Variants in NAV1 observed in about 807,000 individuals in gnomAD.
NAV1 encodes the protein neuron navigator 1.
NAV1 carries 18 observed loss-of-function variants against 175.2 expected under a neutral mutation model. That is an observed-to-expected ratio of 0.10 (90% CI 0.07 to 0.15). NAV1 has a LOEUF of 0.15. Among genes scored for constraint, NAV1 ranks in the 10% least tolerant of loss-of-function variants. The pLI is 1.00. For missense variants in NAV1, 1,731 were observed against 2,436.6 expected (o/e 0.71, Z 6.10); for synonymous variants, 897 against 978.7 (o/e 0.92, Z 1.56).
chr1:201,567,011 G>T (rs2102163838), intron 1 of NAV1, among the ~76,000 whole-genome samples: 1 of 152,122 alleles, frequency 6.6e-6, no homozygotes, highest in South Asian at 2.1e-4. Context: ...AAACCACAGG[G>T]TGCTGACTTC....
At chr1:201,544,323 G>A (rs147994688) in intron 1 of NAV1, among the ~76,000 whole-genome samples, 154 of 152,300 alleles carry the variant, frequency 1.0e-3, no homozygotes, top group Non-Finnish European at 1.9e-3. Context: ...TTTCAATGAC[G>A]CAATTCCCTC....
exon 16 of NAV1, chr1:201,803,634 A>G (rs754872410): frequency 1.2e-6 from 2 of 1,613,834 alleles, no homozygotes; most frequent in African/African-American, 1.3e-5. Context: ...TAGCATCTCA[A>G]GCCTCAACAG....
chr1:201,624,561 T>C (rs1006870807), intron 1 of NAV1, among the ~76,000 whole-genome samples: 1 of 151,912 alleles, frequency 6.6e-6, no homozygotes, highest in African/African-American at 2.4e-5. Context: ...TTAGCCAGCA[T>C]GGTCTCGATC....
chr1:201,574,095 A>T (rs494629), intron 1 of NAV1, among the ~76,000 whole-genome samples: 36,450 of 151,760 alleles, frequency 0.24, 4,801 homozygotes, highest in African/African-American at 0.35. Flanking sequence ...AAATAAACTG[A>T]AGAGTTCTAT....
intron 3 of NAV1, among the ~76,000 whole-genome samples, chr1:201,744,168 C>A (rs982082786): frequency 1.3e-5 from 2 of 152,220 alleles, no homozygotes; most frequent in African/African-American, 4.8e-5. Context: ...CAGGCATGAG[C>A]CACCACACCC....
At chr1:201,605,759 C>T (rs933175768) in intron 2 of NAV1, among the ~76,000 whole-genome samples, 3 of 152,134 alleles carry the variant, frequency 2.0e-5, no homozygotes, top group African/African-American at 7.2e-5. Flanking sequence ...TTGGGCCATG[C>T]CTGGCCAGCT....
chr1:201,628,155 A>G (rs1459354912), intron 1 of NAV1, among the ~76,000 whole-genome samples: 45 of 150,052 alleles, frequency 3.0e-4, no homozygotes, highest in East Asian at 1.4e-3. Flanking sequence ...AAAAAAAAAA[A>G]AGAGAGACAG....
At chr1:201,798,577 C>CTCCAGCCT (rs1677605062) in intron 15 of NAV1, 1 of 138,378 alleles carries the variant, frequency 7.2e-6, no homozygotes, top group South Asian at 2.3e-4. Flanking sequence ...GTTGCACTGA[C>CTCCAGCCT]TCCAGCCTGG....
upstream of NAV1, among the ~76,000 whole-genome samples, chr1:201,643,361 C>CTTCT (rs763594947): frequency 7.1e-6 from 1 of 141,292 alleles, no homozygotes; most frequent in South Asian, 2.2e-4. Flanking sequence ...TCTTCCCTCT[C>CTTCT]TTCTTTCTTT....
In NAV1 at chr1:201,787,072, G is replaced by A. The variant is rs1043104525; in HGVS notation, c.2995+495G>A. Among the ~76,000 whole-genome samples, 29 of 152,334 alleles carry A rather than the reference G, an allele frequency of 1.9e-4. No individual in the cohort carries two copies. Among genetic ancestry groups the A allele is most frequent in the African/African-American group, 6.5e-4 (27 of 41,580 alleles). ...CTGGCTGAGCCCAGGCCATCCTAAC[G>A]CTGAAGGCAGGGCTGACTCAGATGT... On this transcript the variant is annotated intron_variant, in intron 9 of 29. Transcript: ENST00000367296. This position sits in a 1 kb window ranked among gnomAD's most constrained non-coding sequence, Gnocchi z 4.3.
chr1:201,654,134 G>A (rs1669308839), intron 1 of NAV1, among the ~76,000 whole-genome samples: 1 of 152,168 alleles, frequency 6.6e-6, no homozygotes, highest in Non-Finnish European at 1.5e-5. Context: ...TCTGCCCTGG[G>A]GAGAAGGTAC....
chr1:201,672,789 C>G (rs1670091716), intron 1 of NAV1, among the ~76,000 whole-genome samples: 1 of 152,184 alleles, frequency 6.6e-6, no homozygotes, highest in Non-Finnish European at 1.5e-5. Context: ...GACTCAGATG[C>G]TTCTGGAAGG....
At chr1:201,822,828 G>A (rs1270099385) in exon 30 of NAV1, 3 of 152,632 alleles carry the variant, frequency 2.0e-5, no homozygotes, top group African/African-American at 4.8e-5. Flanking sequence ...TTCTCATGAA[G>A]GAATCACAGT....
chr1:201,642,698 CTCTCTTTCTT>C (rs1254573945), intron 2 of NAV1, among the ~76,000 whole-genome samples: 11 of 142,512 alleles, frequency 7.7e-5, no homozygotes, highest in South Asian at 2.3e-4. Context: ...CCTTTCTTCT[CTCTCTTTCTT>C]TCTTTCTTTC....
At chr1:201,551,378 A>T (rs1665849372) in intron 1 of NAV1, among the ~76,000 whole-genome samples, 1 of 152,090 alleles carries the variant, frequency 6.6e-6, no homozygotes, top group Non-Finnish European at 1.5e-5. Flanking sequence ...ACAGGAGCAC[A>T]CCACCACACT....
chr1:201,671,882 G>T (rs1403645542), intron 1 of NAV1, among the ~76,000 whole-genome samples: 1 of 152,188 alleles, frequency 6.6e-6, no homozygotes, highest in Non-Finnish European at 1.5e-5. Context: ...TAAAAGAGAG[G>T]CTCCATTTCT....
At chr1:201,597,116 G>A (rs1281960382) in intron 2 of NAV1, among the ~76,000 whole-genome samples, 7 of 152,138 alleles carry the variant, frequency 4.6e-5, no homozygotes, top group African/African-American at 7.2e-5. Flanking sequence ...GTGAGCCACC[G>A]TGCCTGGCCT....
chr1:201,725,390 G>A (rs565909756), intron 3 of NAV1, among the ~76,000 whole-genome samples: 64 of 152,170 alleles, frequency 4.2e-4, no homozygotes, highest in Non-Finnish European at 8.1e-4. Context: ...GGCCATCCTC[G>A]GGAGGACCCA....
rs1396176517 is a variant in NAV1, at chr1:201,813,573, T to C, written c.5340+315T>C. On this transcript the variant is annotated intron_variant, in intron 28 of 29. Transcript: ENST00000367296. The surrounding 1 kb of genome is among the most constrained non-coding windows in gnomAD (Gnocchi z 4.2). ...AGCTAAGAAGTAAGTAAAACCCTAA[T>C]TAAAACAAACAAACAAACAAACAAA... 6.6e-6 allele frequency among the ~76,000 whole-genome samples: 1 copy of C among 151,794 alleles called. No individual in the cohort carries two copies. The highest frequency in any genetic ancestry group is 2.1e-4 in the South Asian group (1 of 4,812).
Sources: allele counts gnomAD v4.1 joint callset (sites outside exome capture counted in the v4.1 genomes callset), GRCh38; gene constraint gnomAD v4.1.1; non-coding constraint Gnocchi (gnomAD v3.1); transcripts MANE v1.5; gene names NCBI Gene and HGNC (gene_info 2026-07-23, HGNC 2026-07-21).